The following GLTPD2 variants were observed in gnomAD, a reference collection of about 807,000 sequenced individuals.
GLTPD2 encodes glycolipid transfer protein domain containing 2, also known as glycolipid transfer protein domain-containing protein 2.
A neutral mutation model predicts 12.9 loss-of-function variants in GLTPD2; 12 were observed. The ratio of observed to expected loss-of-function variants is 0.93; its 90% CI spans 0.59 to 1.50. The LOEUF is 1.50. Ranked by LOEUF, GLTPD2 falls within the 40% of genes most tolerant of loss-of-function variation. GLTPD2 has a pLI of 0.00. For missense variants in GLTPD2, 450 were observed against 426.2 expected, an observed-to-expected ratio of 1.06 and a Z score of -0.49; for synonymous variants, 199 against 205.6, an observed-to-expected ratio of 0.97 and a Z score of 0.27.
intron 3 of GLTPD2, 25 bp downstream of exon 3, chr17:4,789,702 C>T: frequency 6.2e-7 from 1 of 1,611,868 alleles, no homozygotes; most frequent in Non-Finnish European, 8.5e-7. Context: ...GCCCCCCAGC[C>T]GGTCCCCGCC....
rs1280085931 is a variant in GLTPD2, at chr17:4,789,676, G to C, written c.337G>C (p.Glu113Gln). The C allele has an allele frequency of 1.2e-6, 2 of 1,610,498 alleles. No homozygotes were observed. Among genetic ancestry groups the C allele is most frequent in the Non-Finnish European group, 8.5e-7 (1 of 1,178,474 alleles). The change falls in exon 3 of 4, where the codon GAG becomes CAG. Residue 113 changes from glutamate (E) to glutamine (Q), a missense_variant and splice_region_variant. By Grantham distance (29) the Glu-to-Gln change is conservative. Coordinates refer to ENST00000331264, the MANE Select transcript of GLTPD2 (RefSeq NM_001014985.3). ...CCTGGCGGGATGGAGGGCACTCGTC[G>C]AGTGAGTGGCCTCCCGCCCCCCAGC... ...PYLAGWRALV[E>Q]FLTPLGSVFA...
rs1375555468 is a variant in GLTPD2, at chr17:4,790,519, T to C, written c.*223T>C. ...GCTGTGAGGAATAAAAAAGCAATAT[T>C]TGGCAGCGTCGACGTAGGGCGTTTT... On this transcript the variant is annotated 3_prime_UTR_variant, in exon 4 of 4. Transcript: ENST00000331264. The C allele has an allele frequency of 5.0e-6, 2 of 397,166 alleles. No homozygotes were observed. The highest frequency in any genetic ancestry group is 4.2e-5 in the African/African-American group (2 of 47,774). The allele number at this position is 397,166 out of a possible 1,614,324, so 24.6% of individuals were successfully genotyped here.
In GLTPD2 at chr17:4,789,208, C is replaced by G; in HGVS notation, c.107-18C>G. Reference sequence around the variant, plus strand: ...CCTCTTTCTCGAGCCCTCACCGCTCCGCTTCTCCTCTACCCAGGCGCCCGC... The same window carrying G: ...CCTCTTTCTCGAGCCCTCACCGCTCGGCTTCTCCTCTACCCAGGCGCCCGC... On this transcript the variant is annotated intron_variant, in intron 1 of 3. Coordinates refer to ENST00000331264, the MANE Select transcript of GLTPD2 (RefSeq NM_001014985.3). The G allele has an allele frequency of 6.2e-7, 1 of 1,601,960 alleles. No homozygotes were observed. The highest frequency in any genetic ancestry group is 1.1e-5 in the South Asian group (1 of 89,870).
In GLTPD2 at chr17:4,790,273, C is replaced by G. The variant is rs1350396870; in HGVS notation, c.853C>G (p.Arg285Gly). The change falls in exon 4 of 4, where the codon CGC becomes GGC. Residue 285 changes from arginine to glycine, a missense_variant. Physicochemically the swap from Arg to Gly is moderately radical, Grantham distance 125. Coordinates refer to ENST00000331264, the MANE Select transcript of GLTPD2 (RefSeq NM_001014985.3). The stretch of plus-strand genomic sequence containing the variant: ...CCGCACCCAGAGCCTGCTGGCCGAG[C>G]GCGGCCTGCTCCAGCTGGCCTAAGA... ...YNRTQSLLAE[R>G]GLLQLA 4 of 1,479,532 alleles carry G rather than the reference C, an allele frequency of 2.7e-6. No individual in the cohort carries two copies. The highest frequency in any genetic ancestry group is 3.6e-6 in the Non-Finnish European group (4 of 1,123,280). 91.7% of individuals were successfully genotyped at this position (1,479,532 alleles called of 1,614,324 possible).
At position 4,789,665 on chromosome 17, in the gene GLTPD2, G is replaced by A; in HGVS notation, c.326G>A (p.Arg109Lys). The change falls in exon 3 of 4, where the codon AGG becomes AAG. Residue 109 changes from arginine to lysine, a missense_variant. Coordinates refer to ENST00000331264, the MANE Select transcript of GLTPD2 (RefSeq NM_001014985.3). Reference protein sequence around the residue: ...VGLSPYLAGWRALVEFLTPLG... With the variant: ...VGLSPYLAGWKALVEFLTPLG... ...CTGTCGCCGTACCTGGCGGGATGGAGGGCACTCGTCGAGTGAGTGGCCTCC... is the reference window on the plus strand; with the variant it reads ...CTGTCGCCGTACCTGGCGGGATGGAAGGCACTCGTCGAGTGAGTGGCCTCC... The A allele has an allele frequency of 1.2e-6, 2 of 1,613,056 alleles. No homozygotes were observed. The highest frequency in any genetic ancestry group is 1.7e-6 in the Non-Finnish European group (2 of 1,179,804).
Position 4,789,833 on chromosome 17 carries a change from C to G in GLTPD2, c.413C>G (p.Ala138Gly). Reference protein sequence around the residue: ...EAFTKVTDLEARVHGPDAEHY... With the variant: ...EAFTKVTDLEGRVHGPDAEHY... Reference sequence around the variant, plus strand: ...TTCACCAAGGTGACAGACCTGGAGGCTCGGGTGCACGGCCCGGACGCGGAG... The same window carrying G: ...TTCACCAAGGTGACAGACCTGGAGGGTCGGGTGCACGGCCCGGACGCGGAG... The change falls in exon 4 of 4, where the codon GCT (alanine) becomes GGT (glycine). Residue 138 changes from alanine (A) to glycine (G), a missense_variant. Physicochemically the swap from Ala to Gly is moderately conservative, Grantham distance 60 (BLOSUM62 0). Coordinates refer to ENST00000331264, the MANE Select transcript of GLTPD2 (RefSeq NM_001014985.3). The G allele has an allele frequency of 6.2e-7, 1 of 1,609,580 alleles. No individual in the cohort carries two copies.
Position 4,789,019 on chromosome 17 carries a change from T to G in GLTPD2, c.8T>G (p.Val3Gly). ...GCGGTCCCAGCAGCAGGCATGGGAG[T>G]GGCGGCGCGGCCCCCAGCCCTGCGG... The part of the protein sequence containing the change: MG[V>G]AARPPALRHW... The change falls in exon 1 of 4, where the codon GTG (valine) becomes GGG (glycine). Residue 3 changes from valine (V) to glycine (G), a missense_variant. Transcript: ENST00000331264. 1 of 1,610,832 alleles carries G rather than the reference T, an allele frequency of 6.2e-7. No individual in the cohort carries two copies. Among genetic ancestry groups the G allele is most frequent in the Non-Finnish European group, 8.5e-7 (1 of 1,179,172 alleles).
In GLTPD2 at chr17:4,790,237, G is replaced by T. The variant is rs1188000839; in HGVS notation, c.817G>T (p.Asp273Tyr). 1 of 1,487,266 alleles carries T rather than the reference G, an allele frequency of 6.7e-7. No individual in the cohort carries two copies. The highest frequency in any genetic ancestry group is 2.9e-5 in the East Asian group (1 of 34,226). 92.1% of individuals were successfully genotyped at this position (1,487,266 alleles called of 1,614,324 possible). The change falls in exon 4 of 4, where the codon GAT becomes TAT. Residue 273 changes from aspartate (D) to tyrosine (Y), a missense_variant. Coordinates refer to ENST00000331264, the MANE Select transcript of GLTPD2 (RefSeq NM_001014985.3). ...GGTCCGGGCCGCCGGCACCTTGGAG[G>T]ATGTCTACAACCGCACCCAGAGCCT... is the stretch of plus-strand genomic sequence containing the variant. ...ALVRAAGTLE[D>Y]VYNRTQSLLA...
At position 4,789,063 on chromosome 17, in the gene GLTPD2, A is replaced by G. The variant is rs542268607; in HGVS notation, c.52A>G (p.Ile18Val). 6.2e-7 allele frequency: 1 copy of G among 1,613,922 alleles called. No homozygotes were observed. Among genetic ancestry groups the G allele is most frequent in the South Asian group, 1.1e-5 (1 of 91,080 alleles). ...CCTGCGGCACTGGTTCAGCCACTCA[A>G]TTCCTCTCGCTATCTTCGCGCTGCT... is the stretch of plus-strand genomic sequence containing the variant. ...PALRHWFSHS[I>V]PLAIFALLLL... Residue 18 changes from isoleucine to valine, a missense_variant, in exon 1 of 4, where the codon ATT becomes GTT. Ile to Val is a conservative substitution (Grantham distance 29). Coordinates refer to ENST00000331264, the MANE Select transcript of GLTPD2 (RefSeq NM_001014985.3).
chr17:4,789,134 C>A lies in GLTPD2; in HGVS notation c.106+17C>A, dbSNP rs770098049. ...GGAGCCTAGGTGAGCTGCCCCTTCC[C>A]TCACTTGCTCCGGGAGGAAGCCCGG... On this transcript the variant is annotated intron_variant, in intron 1 of 3. Transcript: ENST00000331264. The A allele has an allele frequency of 1.9e-6, 3 of 1,612,560 alleles. No individual in the cohort carries two copies. The highest frequency in any genetic ancestry group is 8.5e-7 in the Non-Finnish European group (1 of 1,179,270).
chr17:4,789,381 G>A, intron 2 of GLTPD2, 91 bp downstream of exon 2: 1 of 1,508,858 alleles, frequency 6.6e-7, no homozygotes, highest in Non-Finnish European at 9.0e-7. Context: ...CAAAGGGCGG[G>A]TCCTCCCCCG....
At position 4,789,944 on chromosome 17, in the gene GLTPD2, C is replaced by T. The variant is rs946961002; in HGVS notation, c.524C>T (p.Thr175Ile). ...CCGGGGGCGGCCCCCCGGGACCCGACCCGGAGCTCGGGCTCTCGCACGCTG... is the reference window on the plus strand; with the variant it reads ...CCGGGGGCGGCCCCCCGGGACCCGATCCGGAGCTCGGGCTCTCGCACGCTG... ...EQPGAAPRDPTRSSGSRTLLL... is the reference protein window; with the variant it reads ...EQPGAAPRDPIRSSGSRTLLL... The change falls in exon 4 of 4, where the codon ACC (threonine) becomes ATC (isoleucine). Residue 175 changes from threonine (T) to isoleucine (I), a missense_variant. Coordinates refer to ENST00000331264, the MANE Select transcript of GLTPD2 (RefSeq NM_001014985.3). 34 of 1,539,106 alleles carry T rather than the reference C, an allele frequency of 2.2e-5. No individual in the cohort carries two copies. Among genetic ancestry groups the T allele is most frequent in the African/African-American group, 4.1e-5 (3 of 72,572 alleles).
At chr17:4,789,335 A>G (rs746329184) in intron 2 of GLTPD2, 45 bp downstream of exon 2, 12 of 1,533,466 alleles carry the variant, frequency 7.8e-6, no homozygotes, top group Non-Finnish European at 1.1e-5. Flanking sequence ...AGGAGGGACC[A>G]GAACAGGGGG....
At chr17:4,789,471 G>C in intron 2 of GLTPD2, 40 bp from the exon 3 acceptor site, 2 of 1,602,256 alleles carry the variant, frequency 1.2e-6, no homozygotes, top group Non-Finnish European at 1.7e-6. Flanking sequence ...CTTCAGGGCA[G>C]AATCTGCTCC....
In GLTPD2 at chr17:4,789,345, G is replaced by T. The variant is rs79202680; in HGVS notation, c.171+55G>T. On this transcript the variant is annotated intron_variant, in intron 2 of 3. Coordinates refer to ENST00000331264, the MANE Select transcript of GLTPD2 (RefSeq NM_001014985.3). ...GCTCCAGGAGGGACCAGAACAGGGG[G>T]ACGTGGAGCCAGGCTGAGGGTCCGG... 7,590 of 1,529,682 alleles carry T rather than the reference G, an allele frequency of 5.0e-3. 52 individuals are homozygous for T. The highest frequency in any genetic ancestry group is 4.5e-3 in the Non-Finnish European group (5,126 of 1,136,658). The allele number at this position is 1,529,682 out of a possible 1,614,324, so 94.8% of individuals were successfully genotyped here. A position where few individuals can be genotyped will look rare whatever the true frequency, so the allele number is the denominator to read the frequency against.
At chr17:4,789,442 T>G in intron 2 of GLTPD2, 69 bp from the exon 3 acceptor site, 14 of 1,560,768 alleles carry the variant, frequency 9.0e-6, no homozygotes, top group Non-Finnish European at 1.2e-5. Flanking sequence ...AGCCGCCAGC[T>G]AAACCTTCGG....
Position 4,790,415 on chromosome 17 carries a change from C to T in GLTPD2, c.*119C>T. 1.2e-6 allele frequency: 1 copy of T among 829,230 alleles called. No homozygotes were observed. The highest frequency in any genetic ancestry group is 3.6e-5 in the South Asian group (1 of 27,898). The allele number at this position is 829,230 out of a possible 1,614,324, so 51.4% of individuals were successfully genotyped here. Reference sequence around the variant, plus strand: ...CCTCCGTATCCCGCCTCTTCCGTGACGTCGCCGCGGCGAGGGCCGCCCCCG... The same window carrying T: ...CCTCCGTATCCCGCCTCTTCCGTGATGTCGCCGCGGCGAGGGCCGCCCCCG... On this transcript the variant is annotated 3_prime_UTR_variant, in exon 4 of 4. Coordinates refer to ENST00000331264, the MANE Select transcript of GLTPD2 (RefSeq NM_001014985.3).
Position 4,790,375 on chromosome 17 carries a change from C to T in GLTPD2, c.*79C>T. ...GCGCAGCCCGGGGTCAGTCCTGCAGCCCGCGCCGCGGCCGCCTCCGTATCC... is the reference window on the plus strand; with the variant it reads ...GCGCAGCCCGGGGTCAGTCCTGCAGTCCGCGCCGCGGCCGCCTCCGTATCC... On this transcript the variant is annotated 3_prime_UTR_variant, in exon 4 of 4. Transcript: ENST00000331264. The T allele has an allele frequency of 8.4e-7, 1 of 1,194,438 alleles. No homozygotes were observed. The highest frequency in any genetic ancestry group is 1.6e-5 in the African/African-American group (1 of 62,280). 74.0% of individuals were successfully genotyped at this position (1,194,438 alleles called of 1,614,324 possible). A position where few individuals can be genotyped will look rare whatever the true frequency, so the allele number is the denominator to read the frequency against.
At position 4,789,118 on chromosome 17, in the gene GLTPD2, G is replaced by A. The variant is rs771523010; in HGVS notation, c.106+1G>A. The A allele has an allele frequency of 1.2e-5, 20 of 1,613,624 alleles. No individual in the cohort carries two copies. In the South Asian group the frequency reaches 1.8e-4, roughly 14 times the overall value. ...CTTTATCTCAGTGTTCGGAGCCTAG[G>A]TGAGCTGCCCCTTCCCTCACTTGCT... On this transcript the variant is annotated splice_donor_variant, in intron 1 of 3. Transcript: ENST00000331264. LOFTEE classifies it high-confidence loss of function.
Sources: allele counts gnomAD v4.1 joint callset, GRCh38; gene constraint gnomAD v4.1.1; transcripts MANE v1.5; gene names NCBI Gene and HGNC (gene_info 2026-07-23, HGNC 2026-07-21).